Variants in CRADD observed in about 807,000 individuals in gnomAD.
The protein encoded by CRADD is death domain-containing protein CRADD.
In CRADD, 9 loss-of-function variants were observed where a neutral mutation model predicts 15.5. That is an observed-to-expected ratio of 0.58 (90% CI 0.35 to 1.01). The LOEUF (loss-of-function observed/expected upper bound fraction) is 1.01, where lower values mean the gene tolerates loss of function less well. Among genes scored for constraint, CRADD ranks in the 50% least tolerant of loss-of-function variants. The pLI is 0.02. For synonymous variants in CRADD, 118 were observed against 107.6 expected (o/e 1.10, Z -0.60); for missense variants, 227 against 250.3 (o/e 0.91, Z 0.63).
intron 2 of CRADD, among the ~76,000 whole-genome samples, chr12:93,845,091 C>T (rs1446870646): frequency 6.6e-6 from 1 of 152,190 alleles, no homozygotes; most frequent in African/African-American, 2.4e-5. Context: ...AGTGAGTCTG[C>T]CCTGGTTTGG....
chr12:93,837,669 C>T (rs1373681941), intron 2 of CRADD: 4 of 152,040 alleles, frequency 2.6e-5, no homozygotes, highest in Admixed American at 6.5e-5. Context: ...AAAAGTGATA[C>T]AACAATAAAT....
At chr12:93,884,362 CA>C (rs908298827) in intron 2 of CRADD, among the ~76,000 whole-genome samples, 8 of 152,146 alleles carry the variant, frequency 5.3e-5, no homozygotes, top group Non-Finnish European at 2.9e-5. Flanking sequence ...GGAAAGATAA[CA>C]AAATTGATAG....
At chr12:93,853,024 T>A (rs948668550), downstream of CRADD, among the ~76,000 whole-genome samples, 1 of 152,180 alleles carries the variant, frequency 6.6e-6, no homozygotes, top group Admixed American at 6.5e-5. Flanking sequence ...GCACTGTACA[T>A]CCCAATTTTT....
intron 2 of CRADD, among the ~76,000 whole-genome samples, chr12:93,787,785 T>G (rs1957296623): frequency 6.6e-6 from 1 of 152,188 alleles, no homozygotes; most frequent in Non-Finnish European, 1.5e-5. Flanking sequence ...TGTGGCCTAT[T>G]GACCTCATTT....
chr12:93,825,639 A>G (rs1309123990), intron 2 of CRADD, among the ~76,000 whole-genome samples: 2 of 152,190 alleles, frequency 1.3e-5, no homozygotes, highest in Admixed American at 6.5e-5. Context: ...CTTCTCTGTT[A>G]TCCACCCAAT....
chr12:93,780,002 A>C (rs1449192140), intron 2 of CRADD, among the ~76,000 whole-genome samples: 1 of 152,158 alleles, frequency 6.6e-6, no homozygotes, highest in Non-Finnish European at 1.5e-5. Context: ...GAGTGGCGTA[A>C]ACCGGTAAGA....
At chr12:93,753,998 T>C (rs999694307) in intron 2 of CRADD, among the ~76,000 whole-genome samples, 3 of 152,268 alleles carry the variant, frequency 2.0e-5, no homozygotes, top group Non-Finnish European at 4.4e-5. Context: ...AGGTTCTCCA[T>C]GAGCGCTCCG....
At chr12:93,686,583 C>T (rs1471968640) in intron 2 of CRADD, among the ~76,000 whole-genome samples, 1 of 152,144 alleles carries the variant, frequency 6.6e-6, no homozygotes, top group Non-Finnish European at 1.5e-5. Flanking sequence ...CGTAAGTTCT[C>T]TAAATTTTAA....
intron 2 of CRADD, among the ~76,000 whole-genome samples, chr12:93,888,518 T>G (rs1198585232): frequency 6.6e-6 from 1 of 152,052 alleles, no homozygotes. Context: ...CCCAACTGAC[T>G]GTTGCAAGGG....
At chr12:93,768,235 C>T (rs1426026546) in intron 2 of CRADD, among the ~76,000 whole-genome samples, 4 of 152,114 alleles carry the variant, frequency 2.6e-5, no homozygotes, top group Non-Finnish European at 2.9e-5. Flanking sequence ...AAAACAATTG[C>T]TCTAGAATTC....
At chr12:93,761,399 A>C (rs967080533) in intron 2 of CRADD, among the ~76,000 whole-genome samples, 2 of 152,070 alleles carry the variant, frequency 1.3e-5, no homozygotes, top group African/African-American at 4.8e-5. Context: ...GGTGGCTTAA[A>C]CAAGGCTGGC....
At chr12:93,868,681 C>G (rs996144840) in intron 2 of CRADD, among the ~76,000 whole-genome samples, 2 of 150,252 alleles carry the variant, frequency 1.3e-5, no homozygotes, top group South Asian at 4.2e-4. Context: ...CCCTCTCTCT[C>G]TCTTGCACAC....
At chr12:93,806,632 G>T (rs2137002743) in intron 2 of CRADD, among the ~76,000 whole-genome samples, 2 of 152,070 alleles carry the variant, frequency 1.3e-5, no homozygotes, top group South Asian at 4.2e-4. Context: ...TTGAAAGAAT[G>T]TTTTAAAAAC....
intron 2 of CRADD, among the ~76,000 whole-genome samples, chr12:93,807,702 G>A (rs1957555488): frequency 6.6e-6 from 1 of 152,078 alleles, no homozygotes; most frequent in South Asian, 2.1e-4. Context: ...TGACTGGAAT[G>A]GCACCTCCAG....
chr12:93,809,528 C>T (rs1001385670), intron 2 of CRADD, among the ~76,000 whole-genome samples: 4 of 152,102 alleles, frequency 2.6e-5, no homozygotes, highest in Admixed American at 6.5e-5. Context: ...CAGATTAGAT[C>T]ACAAAATCCC....
At chr12:93,792,274 G>A (rs1592994737) in intron 2 of CRADD, among the ~76,000 whole-genome samples, 1 of 152,108 alleles carries the variant, frequency 6.6e-6, no homozygotes, top group African/African-American at 2.4e-5. Flanking sequence ...GGAGTTAGAA[G>A]GTAGAAGAGG....
chr12:93,681,337 A>G (rs1955295124), intron 2 of CRADD, among the ~76,000 whole-genome samples: 1 of 152,252 alleles, frequency 6.6e-6, no homozygotes, highest in Non-Finnish European at 1.5e-5. Flanking sequence ...AAAATTGAGC[A>G]TATCTGTGTA....
chr12:93,845,029 G>A (rs761014619), intron 2 of CRADD, among the ~76,000 whole-genome samples: 1 of 152,126 alleles, frequency 6.6e-6, no homozygotes, highest in African/African-American at 2.4e-5. Context: ...GAAGGCACCT[G>A]GGGAGGCCAT....
chr12:93,890,084 A>G (rs1442081663), intron 2 of CRADD, among the ~76,000 whole-genome samples: 1 of 152,208 alleles, frequency 6.6e-6, no homozygotes, highest in African/African-American at 2.4e-5. Context: ...CATACCTTCC[A>G]GGATGGTGGG....
Sources: allele counts gnomAD v4.1 joint callset (sites outside exome capture counted in the v4.1 genomes callset), GRCh38; gene constraint gnomAD v4.1.1; transcripts MANE v1.5; gene names NCBI Gene and HGNC (gene_info 2026-07-23, HGNC 2026-07-21).